Variants in BCL9 observed in about 807,000 individuals in gnomAD.
BCL9 encodes B-cell CLL/lymphoma 9 protein.
BCL9 carries 25 observed loss-of-function variants against 88.5 expected under a neutral mutation model. That is an observed-to-expected ratio of 0.28 (90% CI 0.21 to 0.39). The LOEUF (loss-of-function observed/expected upper bound fraction) is 0.39. BCL9 is among the 10% of genes least tolerant of loss of function. The pLI, the probability that BCL9 is intolerant of heterozygous loss-of-function variation, is 1.00. For synonymous variants in BCL9, 711 were observed against 673.3 expected, an observed-to-expected ratio of 1.06 and a Z score of -0.87; for missense variants, 1,817 against 1,877.8, an observed-to-expected ratio of 0.97 and a Z score of 0.60.
chr1:147,624,668 C>G lies in BCL9; in HGVS notation c.3990C>G (p.His1330Gln), dbSNP rs369184861. Residue 1330 changes from histidine (H) to glutamine (Q), a missense_variant, in exon 10 of 10, where the codon CAC becomes CAG. By Grantham distance (24) the His-to-Gln change is conservative. Transcript: ENST00000234739. The surrounding 1 kb of genome is among the most constrained non-coding windows in gnomAD (Gnocchi z 4.4). ...TCCAACAAGGCATGATGGGACCTCA[C>G]CATCGGATGATGTCACCAGCACAAT... ...AFLQQGMMGPHHRMMSPAQST... is the reference protein window; with the variant it reads ...AFLQQGMMGPQHRMMSPAQST... 1 of 1,614,164 alleles carries G rather than the reference C, an allele frequency of 6.2e-7. No individual in the cohort carries two copies. Among genetic ancestry groups the G allele is most frequent in the Non-Finnish European group, 8.5e-7 (1 of 1,180,036 alleles).
intron 1 of BCL9, among the ~76,000 whole-genome samples, chr1:147,550,800 C>CG (rs1238763267): frequency 6.6e-6 from 1 of 152,150 alleles, no homozygotes; most frequent in African/African-American, 2.4e-5. Flanking sequence ...GTTATTTATT[C>CG]TCTCGGAAAC....
chr1:147,601,137 C>T (rs1418452309), intron 1 of BCL9, among the ~76,000 whole-genome samples: 2 of 152,018 alleles, frequency 1.3e-5, no homozygotes, highest in Non-Finnish European at 2.9e-5. Context: ...AATCTGTCCT[C>T]CAAGAGGTCT....
At chr1:147,600,572 G>A (rs1453467427) in intron 1 of BCL9, among the ~76,000 whole-genome samples, 6 of 152,036 alleles carry the variant, frequency 3.9e-5, no homozygotes, top group Non-Finnish European at 8.8e-5. Flanking sequence ...GAGAGAGAGG[G>A]CATCTCTTCT....
intron 1 of BCL9, among the ~76,000 whole-genome samples, chr1:147,590,326 G>A (rs587764898): frequency 2.7e-4 from 41 of 152,176 alleles, no homozygotes; most frequent in African/African-American, 9.4e-4. Flanking sequence ...TATATGCTGC[G>A]GAAGTAAGCT....
chr1:147,583,674 C>A lies in BCL9; in HGVS notation c.-477-21103C>A, dbSNP rs138072099. On this transcript the variant is annotated intron_variant, in intron 1 of 9. Coordinates refer to ENST00000234739, the MANE Select transcript of BCL9 (RefSeq NM_004326.4). Reference sequence around the variant, plus strand: ...TATTCAATTTTTAAAAATTTTTGGCCAGGCAAGGTGGCTCACACCTGTAAT... The same window carrying A: ...TATTCAATTTTTAAAAATTTTTGGCAAGGCAAGGTGGCTCACACCTGTAAT... 7.1e-3 allele frequency among the ~76,000 whole-genome samples: 1,077 copies of A among 151,768 alleles called. 18 individuals are homozygous for A. Among genetic ancestry groups the A allele is most frequent in the African/African-American group, 0.025 (1,045 of 41,390 alleles).
chr1:147,620,371 A>G lies in BCL9; in HGVS notation c.2216A>G (p.Glu739Gly), dbSNP rs1553205006. 1.2e-6 allele frequency: 2 copies of G among 1,614,180 alleles called. No individual in the cohort carries two copies. Among genetic ancestry groups the G allele is most frequent in the Non-Finnish European group, 1.7e-6 (2 of 1,180,016 alleles). The stretch of plus-strand genomic sequence containing the variant: ...CAGATGATACCTCAGAAGATGAGAG[A>G]GGCTGGGGCGGGCCCTGAGGAGATG... ...NSQMIPQKMR[E>G]AGAGPEEMLK... is the part of the protein sequence containing the mutation. Residue 739 changes from glutamate (E) to glycine (G), a missense_variant, in exon 8 of 10, where the codon GAG (glutamate) becomes GGG (glycine). Around this residue, in one of 2 missense-constraint regions of BCL9, gnomAD observed 1,228 missense variants for 1,191.6 expected, o/e 1.03. Transcript: ENST00000234739.
At chr1:147,545,623 A>G (rs1157450549) in intron 1 of BCL9, among the ~76,000 whole-genome samples, 1 of 152,228 alleles carries the variant, frequency 6.6e-6, no homozygotes, top group African/African-American at 2.4e-5. Flanking sequence ...AGTCCTGCTG[A>G]AAGTAAAACC....
chr1:147,555,336 C>T (rs1267169656), intron 1 of BCL9, among the ~76,000 whole-genome samples: 2 of 152,192 alleles, frequency 1.3e-5, no homozygotes, highest in African/African-American at 4.8e-5. Flanking sequence ...CTACTCTATA[C>T]TTTGGCACCC....
chr1:147,567,434 A>G (rs1655658327), intron 1 of BCL9, among the ~76,000 whole-genome samples: 1 of 152,194 alleles, frequency 6.6e-6, no homozygotes, highest in Non-Finnish European at 1.5e-5. Flanking sequence ...TTATTTCCAA[A>G]ATATTCTATT....
Position 147,611,655 on chromosome 1 carries a change from G to A in BCL9, c.-182G>A, listed in dbSNP as rs1658007764. On this transcript the variant is annotated 5_prime_UTR_variant, in exon 4 of 10. Transcript: ENST00000234739. ...AGAATGCTGGAGCTGCAAGGGGAAAGGACCCACTTCCACAGCAGAGAAAAA... is the reference window on the plus strand; with the variant it reads ...AGAATGCTGGAGCTGCAAGGGGAAAAGACCCACTTCCACAGCAGAGAAAAA... 6.6e-6 allele frequency: 4 copies of A among 601,574 alleles called. No individual in the cohort carries two copies. The highest frequency in any genetic ancestry group is 1.2e-5 in the Non-Finnish European group (4 of 331,474). The allele number at this position is 601,574 out of a possible 1,614,324, so 37.3% of individuals were successfully genotyped here.
chr1:147,597,201 A>G (rs1657094180), intron 1 of BCL9, among the ~76,000 whole-genome samples: 1 of 152,210 alleles, frequency 6.6e-6, no homozygotes, highest in Non-Finnish European at 1.5e-5. Flanking sequence ...ATTTAGGTTT[A>G]AGTTTATCAA....
intron 1 of BCL9, among the ~76,000 whole-genome samples, chr1:147,578,558 C>T (rs587638035): frequency 4.9e-4 from 75 of 152,282 alleles, no homozygotes; most frequent in Admixed American, 2.2e-3. Flanking sequence ...CATTTCTGAT[C>T]ATAAGCATTT....
intron 5 of BCL9, 50 bp from the exon 6 acceptor site, chr1:147,614,377 G>T: frequency 6.3e-7 from 1 of 1,581,502 alleles, no homozygotes; most frequent in Non-Finnish European, 8.7e-7. Flanking sequence ...TATGCTGGCA[G>T]AAGAAAGGAA....
At chr1:147,608,604 CT>C (rs1657848367) in intron 3 of BCL9, among the ~76,000 whole-genome samples, 1 of 152,148 alleles carries the variant, frequency 6.6e-6, no homozygotes, top group Admixed American at 6.5e-5. Flanking sequence ...GGCAACATCT[CT>C]TCCTATTAAG....
At chr1:147,616,504 A>G (rs1214863120) in intron 7 of BCL9, among the ~76,000 whole-genome samples, 2 of 152,188 alleles carry the variant, frequency 1.3e-5, no homozygotes, top group Non-Finnish European at 2.9e-5. Context: ...GTGGTGGCTC[A>G]TGCCTGTAAT....
In BCL9 at chr1:147,624,399, C is replaced by G. The variant is rs781895640; in HGVS notation, c.3721C>G (p.Pro1241Ala). 3 of 1,614,212 alleles carry G rather than the reference C, an allele frequency of 1.9e-6. No homozygotes were observed. Among genetic ancestry groups the G allele is most frequent in the Non-Finnish European group, 2.5e-6 (3 of 1,180,024 alleles). ...IPEFDLSRIIPSEKPSQTLQY... is the reference protein window; with the variant it reads ...IPEFDLSRIIASEKPSQTLQY... ...TGAGTTTGATCTATCCCGCATTATT[C>G]CATCTGAGAAGCCCAGCCAGACGCT... Residue 1241 changes from proline to alanine, a missense_variant, in exon 10 of 10, where the codon CCA (proline) becomes GCA (alanine). Around this residue, in one of 2 missense-constraint regions of BCL9, gnomAD observed 589 missense variants for 686.2 expected, o/e 0.86. Transcript: ENST00000234739. The surrounding 1 kb of genome is among the most constrained non-coding windows in gnomAD (Gnocchi z 4.4).
chr1:147,568,586 C>CT (rs1362506872), intron 1 of BCL9, among the ~76,000 whole-genome samples: 2 of 145,894 alleles, frequency 1.4e-5, no homozygotes, highest in Non-Finnish European at 3.0e-5. Context: ...TTTTTTTTCT[C>CT]TTTTTCAAAT....
intron 1 of BCL9, among the ~76,000 whole-genome samples, chr1:147,599,143 G>GCTGGGCCGGATGTGAAAGGAGAC (rs1657190250): frequency 3.3e-5 from 5 of 152,234 alleles, no homozygotes; most frequent in Admixed American, 2.6e-4. Flanking sequence ...GCCAGGCTGG[G>GCTGGGCCGGATGTGAAAGGAGAC]CTGGGCCGGA....
In BCL9 at chr1:147,625,056, GC is replaced by G; in HGVS notation, c.*98del. The G allele has an allele frequency of 6.9e-7, 1 of 1,442,892 alleles. No individual in the cohort carries two copies. Among genetic ancestry groups the G allele is most frequent in the Non-Finnish European group, 9.3e-7 (1 of 1,074,492 alleles). The allele number at this position is 1,442,892 out of a possible 1,614,324, so 89.4% of individuals were successfully genotyped here. On this transcript the variant is annotated 3_prime_UTR_variant, in exon 10 of 10. Coordinates refer to ENST00000234739, the MANE Select transcript of BCL9 (RefSeq NM_004326.4). Reference sequence around the variant, plus strand: ...TCCAGGAGTACTTACTATTGGTCATGCAATAGGAGAACAGAGACCCGAGGGC... The same window carrying G: ...TCCAGGAGTACTTACTATTGGTCATGAATAGGAGAACAGAGACCCGAGGGC...
Sources: allele counts gnomAD v4.1 joint callset (sites outside exome capture counted in the v4.1 genomes callset), GRCh38; gene constraint gnomAD v4.1.1; regional missense constraint gnomAD v4.1.1; non-coding constraint Gnocchi (gnomAD v3.1); transcripts MANE v1.5; gene names NCBI Gene and HGNC (gene_info 2026-07-23, HGNC 2026-07-21).